ERG: variants seen among roughly 807,000 people sequenced by gnomAD.
ERG encodes ETS transcription factor ERG.
In ERG, 9 loss-of-function variants were observed where a neutral mutation model predicts 55.3. The observed-to-expected ratio is 0.16, with a 90% confidence interval of 0.10 to 0.28. The LOEUF is 0.28. Ranked by LOEUF, ERG falls within the 10% of genes least tolerant of loss-of-function variation. The pLI, the probability that ERG is intolerant of heterozygous loss-of-function variation, is 1.00. For synonymous variants in ERG, 223 were observed against 237.3 expected, an observed-to-expected ratio of 0.94 and a Z score of 0.55; for missense variants, 434 against 631.6, an observed-to-expected ratio of 0.69 and a Z score of 3.35.
intron 2 of ERG, among the ~76,000 whole-genome samples, chr21:38,443,445 C>T (rs16996316): frequency 0.08 from 12,252 of 152,222 alleles, 552 homozygotes; most frequent in South Asian, 0.11. Flanking sequence ...TTAGTGTCTC[C>T]GCCGTGATCA....
intron 2 of ERG, among the ~76,000 whole-genome samples, chr21:38,425,550 A>G (rs1038735091): frequency 5.9e-5 from 9 of 152,212 alleles, no homozygotes; most frequent in Non-Finnish European, 1.2e-4. Context: ...GAGAAGTATT[A>G]ATATTTAGGG....
Position 38,460,365 on chromosome 21 carries a change from C to T in ERG, c.19-14744G>A, listed in dbSNP as rs890557330. Among the ~76,000 whole-genome samples, 1 of 152,220 alleles carries T rather than the reference C, an allele frequency of 6.6e-6. No individual in the cohort carries two copies. Among genetic ancestry groups the T allele is most frequent in the Non-Finnish European group, 1.5e-5 (1 of 68,042 alleles). Reference sequence around the variant, plus strand: ...TGGCTAAAAGCCCGGGAATTGTCTTCTTCTGTGTTGCACTAATATTTTCCA... The same window carrying T: ...TGGCTAAAAGCCCGGGAATTGTCTTTTTCTGTGTTGCACTAATATTTTCCA... On this transcript the variant is annotated intron_variant, in intron 1 of 9. Coordinates refer to ENST00000288319, the MANE Select transcript of ERG (RefSeq NM_182918.4). This position sits in a 1 kb window ranked among gnomAD's most constrained non-coding sequence, Gnocchi z 5.0.
At chr21:38,485,562 G>A (rs919190679) in intron 1 of ERG, among the ~76,000 whole-genome samples, 21 of 150,812 alleles carry the variant, frequency 1.4e-4, no homozygotes, top group African/African-American at 4.4e-4. Context: ...CTGGTTCAAG[G>A]GATTCTCCTC....
intron 2 of ERG, among the ~76,000 whole-genome samples, chr21:38,540,972 T>A (rs770085419): frequency 3.3e-5 from 5 of 152,190 alleles, no homozygotes; most frequent in Non-Finnish European, 5.9e-5. Context: ...GCTTTAGCTC[T>A]GCCTTTGAGC....
chr21:38,440,979 C>T (rs1311566084), intron 2 of ERG, among the ~76,000 whole-genome samples: 1 of 152,078 alleles, frequency 6.6e-6, no homozygotes, highest in Non-Finnish European at 1.5e-5. Context: ...TTGTTAATAG[C>T]AGAACACTGA....
chr21:38,532,383 C>T (rs1225663157), intron 2 of ERG, among the ~76,000 whole-genome samples: 4 of 140,310 alleles, frequency 2.9e-5, no homozygotes, highest in African/African-American at 1.1e-4. Flanking sequence ...TGATTGTAGG[C>T]TTCCATTTCA....
chr21:38,629,904 G>A (rs115535167), intron 1 of ERG, among the ~76,000 whole-genome samples: 3,366 of 152,144 alleles, frequency 0.022, 126 homozygotes, highest in African/African-American at 0.075. Context: ...ATACATACAC[G>A]GGCATATTAC....
At chr21:38,376,907 G>A (rs1285597708), downstream of ERG, among the ~76,000 whole-genome samples, 1 of 152,234 alleles carries the variant, frequency 6.6e-6, no homozygotes, top group Non-Finnish European at 1.5e-5. Flanking sequence ...GGCGCAGCAA[G>A]GAAATGGGAG....
chr21:38,423,210 G>A (rs1282528073), intron 3 of ERG, among the ~76,000 whole-genome samples, 200 bp downstream of exon 3: 3 of 151,816 alleles, frequency 2.0e-5, no homozygotes, highest in Non-Finnish European at 4.4e-5. Flanking sequence ...TTTAAATACA[G>A]GTGTATTTTT....
At chr21:38,632,674 A>G (rs2060364209) in intron 1 of ERG, among the ~76,000 whole-genome samples, 1 of 152,196 alleles carries the variant, frequency 6.6e-6, no homozygotes, top group African/African-American at 2.4e-5. Flanking sequence ...GCCTTCCACC[A>G]TGATTGTGAG....
At position 38,383,868 on chromosome 21, in the gene ERG, G is replaced by A. The variant is rs770597688; in HGVS notation, c.975C>T (p.Ser325=). ...QFLLELLSDS[S]NSSCITWEGT... ...CTTCCCAGGTGATGCAGCTGGAGTT[G>A]GAGCTGTCCGACAGGAGCTCCAGGA... is the stretch of plus-strand genomic sequence containing the variant. The change falls in exon 10 of 10, where the codon TCC becomes TCT. Residue 325 remains serine (S), a synonymous_variant. Coordinates refer to ENST00000288319, the MANE Select transcript of ERG (RefSeq NM_182918.4). This position sits in a 1 kb window ranked among gnomAD's most constrained non-coding sequence, Gnocchi z 5.7. The A allele has an allele frequency of 6.2e-7, 1 of 1,613,942 alleles. No homozygotes were observed. Among genetic ancestry groups the A allele is most frequent in the Non-Finnish European group, 8.5e-7 (1 of 1,180,032 alleles).
intron 1 of ERG, chr21:38,471,519 A>G (rs1478980163): frequency 6.6e-6 from 1 of 152,224 alleles, no homozygotes; most frequent in Non-Finnish European, 1.5e-5. Flanking sequence ...CCAGTTACAT[A>G]AATCATTTAT....
At chr21:38,595,028 TGAA>T (rs2060122755) in intron 1 of ERG, among the ~76,000 whole-genome samples, 1 of 151,670 alleles carries the variant, frequency 6.6e-6, no homozygotes, top group Non-Finnish European at 1.5e-5. Context: ...TCCAGAAAAA[TGAA>T]GAAGCAGGAG....
chr21:38,419,224 C>T (rs1989429331), intron 3 of ERG, among the ~76,000 whole-genome samples: 1 of 152,202 alleles, frequency 6.6e-6, no homozygotes, highest in Non-Finnish European at 1.5e-5. Context: ...AAGGCACAAT[C>T]AACAGTCTTG....
At chr21:38,492,240 G>A (rs957156483) in intron 1 of ERG, among the ~76,000 whole-genome samples, 2 of 152,182 alleles carry the variant, frequency 1.3e-5, no homozygotes, top group Non-Finnish European at 2.9e-5. Flanking sequence ...CTGCTGTGAG[G>A]ATCACATGAG....
chr21:38,409,419 G>C (rs1335179667), intron 3 of ERG, among the ~76,000 whole-genome samples: 1 of 149,118 alleles, frequency 6.7e-6, no homozygotes, highest in Non-Finnish European at 1.5e-5. Context: ...GGAGGCAGAG[G>C]TTGCGATAAG....
chr21:38,424,665 C>T (rs371918688), intron 2 of ERG, among the ~76,000 whole-genome samples: 7 of 152,200 alleles, frequency 4.6e-5, no homozygotes, highest in Non-Finnish European at 8.8e-5. Context: ...TATCCTGGAA[C>T]GACGTTCCTT....
intron 2 of ERG, among the ~76,000 whole-genome samples, chr21:38,518,605 T>C (rs2059571074): frequency 6.6e-6 from 1 of 152,054 alleles, no homozygotes; most frequent in South Asian, 2.1e-4. Context: ...ACTTGAGAAG[T>C]AACTCATAAC....
rs148131655 is a variant in ERG at position 38,607,392 on chromosome 21, G to A, written c.-149-22447C>T. Among the ~76,000 whole-genome samples, 450 of 152,198 alleles carry A rather than the reference G, an allele frequency of 3.0e-3. 3 individuals are homozygous for A. Among genetic ancestry groups the A allele is most frequent in the Middle Eastern group, 0.027 (8 of 294 alleles). On this transcript the variant is annotated intron_variant, in intron 1 of 10. Coordinates refer to the ERG transcript ENST00000398910. ...GGTGGCTCACGCCTGTAATCCCAGC[G>A]CCTCCTGAGGCAGTCGGATCATGAG...
Sources: gnomAD v4.1 joint callset for allele counts (sites outside exome capture counted in the v4.1 genomes callset) on GRCh38, gnomAD v4.1.1 for gene constraint, Gnocchi (gnomAD v3.1) non-coding constraint, MANE v1.5 for transcripts, NCBI Gene and HGNC (gene_info 2026-07-23, HGNC 2026-07-21) for gene names.